SRGAP2C: variants seen among roughly 807,000 people sequenced by gnomAD.
SRGAP2C encodes the protein SLIT-ROBO Rho GTPase activating protein 2C.
Under a neutral mutation model 25.1 loss-of-function variants are expected in SRGAP2C, and 15 were observed. That is an observed-to-expected ratio of 0.60 (90% CI 0.40 to 0.92). SRGAP2C has a LOEUF of 0.92. SRGAP2C is among the 40% of genes least tolerant of loss of function. The pLI is 0.00. For synonymous variants in SRGAP2C, 44 were observed against 96.6 expected, an observed-to-expected ratio of 0.46 and a Z score of 3.19; for missense variants, 144 against 264.4, an observed-to-expected ratio of 0.54 and a Z score of 3.16.
intron 7 of SRGAP2C, among the ~76,000 whole-genome samples, chr1:121,378,543 T>C (rs1659728717): frequency 6.6e-6 from 1 of 150,460 alleles, no homozygotes; most frequent in East Asian, 2.0e-4. Flanking sequence ...TTTGCATGTA[T>C]CGGTAGTGTC....
chr1:121,328,913 CAAAA>C (rs1658375124), intron 4 of SRGAP2C, among the ~76,000 whole-genome samples: 3 of 111,328 alleles, frequency 2.7e-5, no homozygotes, highest in South Asian at 2.9e-4. Flanking sequence ...AAACAAAAAA[CAAAA>C]AACAAAACAG....
At position 121,388,416 on chromosome 1, in the gene SRGAP2C, C is replaced by A. The variant is rs1204295616; in HGVS notation, c.*561C>A. 1.0e-4 allele frequency: 5 copies of A among 49,040 alleles called. No homozygotes were observed. Among genetic ancestry groups the A allele is most frequent in the African/African-American group, 3.0e-4 (3 of 10,100 alleles). 3.0% of individuals were successfully genotyped at this position (49,040 alleles called of 1,614,324 possible). On this transcript the variant is annotated 3_prime_UTR_variant, in exon 10 of 10. Coordinates refer to ENST00000367123, the MANE Select transcript of SRGAP2C (RefSeq NM_001329984.2). ...CTTTTAGACAGTTGGACCCTTTTTT[C>A]TTTTTCTTTTTTTTTTTTTTTTTTT...
Position 121,284,895 on chromosome 1 carries a change from C to T in SRGAP2C, c.160C>T (p.Arg54Ter), listed in dbSNP as rs1324568846. Residue 54 changes from arginine to a stop codon, truncating the protein, a stop_gained, in exon 3 of 10, where the codon CGA (arginine) becomes TGA (stop). Coordinates refer to ENST00000367123, the MANE Select transcript of SRGAP2C (RefSeq NM_001329984.2). LOFTEE classifies it high-confidence loss of function. ...QLLQDLQDFF[R>*]KKAEIEMDYS... Reference sequence around the variant, plus strand: ...GTTGCAGGACCTCCAGGACTTCTTCCGAAAGAAGGCAGAGATTGAGATGGA... The same window carrying T: ...GTTGCAGGACCTCCAGGACTTCTTCTGAAAGAAGGCAGAGATTGAGATGGA... 4.6e-5 allele frequency: 69 copies of T among 1,512,344 alleles called. 1 individual carries two copies. The highest frequency in any genetic ancestry group is 7.3e-5 in the South Asian group (6 of 82,684). The allele number at this position is 1,512,344 out of a possible 1,614,324, so 93.7% of individuals were successfully genotyped here. A position where few individuals can be genotyped will look rare whatever the true frequency, so the allele number is the denominator to read the frequency against.
In SRGAP2C at chr1:121,213,248, G is replaced by T. The variant is rs1244030821; in HGVS notation, c.67+25735G>T. Reference sequence around the variant, plus strand: ...TTTAGTAGAGACAGAGGTTCGCCATGTTGGGCAGGCTGGTCTTGAACTCCC... The same window carrying T: ...TTTAGTAGAGACAGAGGTTCGCCATTTTGGGCAGGCTGGTCTTGAACTCCC... On this transcript the variant is annotated intron_variant, in intron 2 of 9. Coordinates refer to ENST00000367123, the MANE Select transcript of SRGAP2C (RefSeq NM_001329984.2). Among the ~76,000 whole-genome samples, 11 of 148,780 alleles carry T rather than the reference G, an allele frequency of 7.4e-5. No homozygotes were observed. In the East Asian group the frequency reaches 1.2e-3, roughly 17 times the overall value.
At chr1:121,385,686 C>T (rs371343433) in intron 8 of SRGAP2C, among the ~76,000 whole-genome samples, 27 of 152,272 alleles carry the variant, frequency 1.8e-4, no homozygotes, top group Middle Eastern at 3.4e-3. Flanking sequence ...AAAGGACGAA[C>T]GGTAACAAGG....
At chr1:121,370,583 A>G (rs1189831504) in intron 5 of SRGAP2C, among the ~76,000 whole-genome samples, 3 of 149,462 alleles carry the variant, frequency 2.0e-5, no homozygotes, top group Admixed American at 6.7e-5. Context: ...CTGGGACTAC[A>G]GGCACCCGCC....
intron 4 of SRGAP2C, among the ~76,000 whole-genome samples, chr1:121,327,473 AAC>A (rs1455535963): frequency 2.6e-4 from 37 of 143,766 alleles, no homozygotes; most frequent in Non-Finnish European, 3.8e-4. Flanking sequence ...CAGCCTGGGC[AAC>A]AGAGAGAGAC....
At chr1:121,237,540 C>T (rs1203102462) in intron 2 of SRGAP2C, among the ~76,000 whole-genome samples, 2 of 151,344 alleles carry the variant, frequency 1.3e-5, no homozygotes, top group African/African-American at 4.9e-5. Context: ...TTTGCTGAAG[C>T]AGATTTTATT....
At chr1:121,291,194 C>G (rs1657484871) in intron 3 of SRGAP2C, among the ~76,000 whole-genome samples, 1 of 123,608 alleles carries the variant, frequency 8.1e-6, no homozygotes, top group Non-Finnish European at 1.7e-5. Flanking sequence ...GACTGGATAA[C>G]TGACTGGATA....
At chr1:121,328,489 A>G (rs1398401518) in intron 4 of SRGAP2C, among the ~76,000 whole-genome samples, 15 of 152,142 alleles carry the variant, frequency 9.9e-5, no homozygotes. Flanking sequence ...TAAGCACTTT[A>G]TATGTATTAT....
At chr1:121,335,424 C>A (rs1409148456) in intron 4 of SRGAP2C, among the ~76,000 whole-genome samples, 1 of 142,754 alleles carries the variant, frequency 7.0e-6, no homozygotes, top group Non-Finnish European at 1.5e-5. Context: ...ACCTAAGATG[C>A]TATAAATGCC....
Position 121,391,575 on chromosome 1 carries a change from T to C in SRGAP2C, c.*3720T>C, listed in dbSNP as rs1326420972. 1.3e-5 allele frequency: 2 copies of C among 152,312 alleles called. No individual in the cohort carries two copies. The highest frequency in any genetic ancestry group is 2.4e-5 in the African/African-American group (1 of 41,488). The allele number at this position is 152,312 out of a possible 1,614,324, so 9.4% of individuals were successfully genotyped here. ...TCACTGTCAAAACATTAGCTTAACA[T>C]TTGTTAAGGAAACAAAAAGACTTCG... is the stretch of plus-strand genomic sequence containing the variant. On this transcript the variant is annotated 3_prime_UTR_variant, in exon 10 of 10. Transcript: ENST00000367123.
chr1:121,338,952 TG>T (rs1290806999), intron 4 of SRGAP2C, among the ~76,000 whole-genome samples: 46 of 150,520 alleles, frequency 3.1e-4, no homozygotes, highest in Non-Finnish European at 6.4e-4. Flanking sequence ...AGTAGTAACG[TG>T]TTTTTTTCAA....
intron 2 of SRGAP2C, among the ~76,000 whole-genome samples, chr1:121,275,023 C>T (rs1282351505): frequency 2.0e-5 from 3 of 150,280 alleles, no homozygotes; most frequent in Non-Finnish European, 4.4e-5. Flanking sequence ...CTGTCATCCC[C>T]CTCGCTTCTG....
At chr1:121,363,978 A>C (rs1369488997) in intron 4 of SRGAP2C, among the ~76,000 whole-genome samples, 22 of 151,846 alleles carry the variant, frequency 1.4e-4, no homozygotes, top group Admixed American at 1.2e-3. Flanking sequence ...TCAGAAAAAA[A>C]AGTATTTTTT....
chr1:121,257,373 C>A (rs1318490874), intron 2 of SRGAP2C, among the ~76,000 whole-genome samples: 2 of 149,152 alleles, frequency 1.3e-5, no homozygotes, highest in Non-Finnish European at 3.0e-5. Context: ...CTGGGCCTCC[C>A]AAAGTGCTGG....
At chr1:121,266,565 C>T (rs1277639413) in intron 2 of SRGAP2C, among the ~76,000 whole-genome samples, 19 of 146,690 alleles carry the variant, frequency 1.3e-4, no homozygotes, top group African/African-American at 3.8e-4. Flanking sequence ...GCCATGATTG[C>T]GGTTAGCAGT....
intron 4 of SRGAP2C, among the ~76,000 whole-genome samples, chr1:121,353,375 G>A (rs1337577659): frequency 1.4e-5 from 2 of 146,598 alleles, no homozygotes; most frequent in Non-Finnish European, 3.0e-5. Context: ...TGTAAAGAGA[G>A]GGTCTATCTG....
intron 2 of SRGAP2C, among the ~76,000 whole-genome samples, chr1:121,192,267 A>T (rs1315204439): frequency 6.6e-6 from 1 of 151,744 alleles, no homozygotes; most frequent in African/African-American, 2.4e-5. Flanking sequence ...ATAATCAGTT[A>T]AATATAGTCA....
Sources: gnomAD v4.1 joint callset for allele counts (sites outside exome capture counted in the v4.1 genomes callset) on GRCh38, gnomAD v4.1.1 for gene constraint, MANE v1.5 for transcripts, NCBI Gene and HGNC (gene_info 2026-07-23, HGNC 2026-07-21) for gene names.